The following LRRK1 variants were observed in gnomAD, a reference collection of about 807,000 sequenced individuals.
LRRK1 encodes leucine-rich repeat serine/threonine-protein kinase 1.
In LRRK1, 113 loss-of-function variants were observed where a neutral mutation model predicts 209.1. The observed-to-expected ratio is 0.54, with a 90% CI of 0.46 to 0.63. The LOEUF (loss-of-function observed/expected upper bound fraction) is 0.63, where lower values mean the gene tolerates loss of function less well. Ranked by LOEUF, LRRK1 falls within the 30% of genes least tolerant of loss-of-function variation. LRRK1 has a pLI of 0.00. For synonymous variants in LRRK1, 1,144 were observed against 1,099.7 expected, an observed-to-expected ratio of 1.04 and a Z score of -0.80; for missense variants, 2,284 against 2,632.2, an observed-to-expected ratio of 0.87 and a Z score of 2.89.
chr15:100,949,655 T>C (rs1456926996), intron 2 of LRRK1, among the ~76,000 whole-genome samples: 1 of 152,106 alleles, frequency 6.6e-6, no homozygotes, highest in African/African-American at 2.4e-5. Context: ...TAGTAACACA[T>C]AAAAAGGATT....
chr15:101,026,424 C>G (rs918134049), intron 17 of LRRK1, among the ~76,000 whole-genome samples: 2 of 152,234 alleles, frequency 1.3e-5, no homozygotes, highest in Non-Finnish European at 2.9e-5. Flanking sequence ...GGAGACTGAA[C>G]GTGGGCACCA....
At chr15:100,952,619 A>AAAG (rs1317093287) in intron 2 of LRRK1, among the ~76,000 whole-genome samples, 249 of 152,322 alleles carry the variant, frequency 1.6e-3, no homozygotes, top group African/African-American at 5.6e-3. Flanking sequence ...CCCTTCTCAC[A>AAAG]GGACCTGACT....
chr15:101,004,368 G>A lies in LRRK1; in HGVS notation c.763-4469G>A, dbSNP rs115872901. On this transcript the variant is annotated intron_variant, in intron 6 of 33. Transcript: ENST00000388948. ...GCTAGGGAGAGCTGAAAGGTCTTGC[G>A]CAGACTTTGATATTTCAGGATGATT... Among the ~76,000 whole-genome samples the A allele has an allele frequency of 7.2e-3, 1,095 of 152,218 alleles. 15 individuals carry two copies. The highest frequency in any genetic ancestry group is 0.025 in the African/African-American group (1,020 of 41,514).
chr15:101,016,745 C>T (rs966977640), intron 12 of LRRK1, among the ~76,000 whole-genome samples: 4 of 152,172 alleles, frequency 2.6e-5, no homozygotes, highest in Non-Finnish European at 4.4e-5. Context: ...CAGCCCTGGA[C>T]CAGCAGCTAC....
chr15:101,032,246 G>T (rs1212541554), intron 20 of LRRK1, among the ~76,000 whole-genome samples: 4 of 151,798 alleles, frequency 2.6e-5, no homozygotes, highest in African/African-American at 7.3e-5. Flanking sequence ...TTTCCTTTTT[G>T]GTACTGATAT....
intron 2 of LRRK1, among the ~76,000 whole-genome samples, chr15:100,940,381 C>T (rs1360648287): frequency 1.3e-5 from 2 of 152,092 alleles, no homozygotes; most frequent in Admixed American, 1.3e-4. Flanking sequence ...GTATATGTTT[C>T]TGAAACTCTC....
intron 22 of LRRK1, chr15:101,049,306 T>C: frequency 4.3e-6 from 1 of 231,294 alleles, no homozygotes; most frequent in Non-Finnish European, 8.3e-6. Flanking sequence ...GCATAGATGT[T>C]CTCACTTAAG....
At chr15:100,956,455 C>CTTTTTTTTTTCTTTTTTTT (rs2042762776) in intron 2 of LRRK1, among the ~76,000 whole-genome samples, 2 of 60,534 alleles carry the variant, frequency 3.3e-5, no homozygotes, top group Admixed American at 2.0e-4. Flanking sequence ...TTTTTTTTTT[C>CTTTTTTTTTTCTTTTTTTT]TTTTTTTTTT....
intron 2 of LRRK1, among the ~76,000 whole-genome samples, chr15:100,935,994 G>A (rs565957495): frequency 1.3e-5 from 2 of 152,282 alleles, no homozygotes; most frequent in South Asian, 4.1e-4. Flanking sequence ...CCTAGACCTG[G>A]TACAGCATCA....
chr15:101,021,141 G>C lies in LRRK1; in HGVS notation c.1698G>C (p.Ser566=), dbSNP rs182944219. Residue 566 remains serine (S), a synonymous_variant, in exon 13 of 34, where the codon TCG becomes TCC. Coordinates refer to ENST00000388948, the MANE Select transcript of LRRK1 (RefSeq NM_024652.6). ...ACCACCTCGACACAGTCCCTCCCTC[G>C]GTTTGCCTACTGAAGAGCTTATCAG... ...NDNHLDTVPP[S]VCLLKSLSEL... 3.7e-6 allele frequency: 6 copies of C among 1,613,994 alleles called. No individual in the cohort carries two copies. In the East Asian group the frequency reaches 1.1e-4, roughly 30 times the overall value.
At chr15:101,049,119 G>GT (rs2035249427) in intron 22 of LRRK1, among the ~76,000 whole-genome samples, 4 of 152,140 alleles carry the variant, frequency 2.6e-5, no homozygotes, top group Admixed American at 2.0e-4. Flanking sequence ...TTTATTCTTG[G>GT]TTTTTTGAGA....
intron 2 of LRRK1, among the ~76,000 whole-genome samples, chr15:100,970,640 G>T (rs1405817976): frequency 6.6e-6 from 1 of 152,152 alleles, no homozygotes; most frequent in Non-Finnish European, 1.5e-5. Flanking sequence ...TCTTTTTCAA[G>T]ATTGCTTTGG....
intron 2 of LRRK1, among the ~76,000 whole-genome samples, chr15:100,931,822 C>G (rs1473470667): frequency 6.6e-6 from 1 of 152,208 alleles, no homozygotes; most frequent in East Asian, 1.9e-4. Context: ...TGAGCATTCT[C>G]CTGGTGCCTG....
intron 3 of LRRK1, among the ~76,000 whole-genome samples, chr15:100,976,016 A>C (rs1391638709): frequency 6.6e-6 from 1 of 152,186 alleles, no homozygotes; most frequent in Admixed American, 6.5e-5. Context: ...CAGTTTATAC[A>C]AGCATTAAAA....
At position 101,075,435 on chromosome 15, in the gene LRRK1, G is replaced by A. The variant is rs1386011112; in HGVS notation, c.*6587G>A. On this transcript the variant is annotated 3_prime_UTR_variant, in exon 34 of 34. Transcript: ENST00000388948. ...TGTATCCCCCGACCTTAACCCATAA[G>A]TATAAGATACCTCTACTCCCTCCTT... 4.2e-5 allele frequency: 5 copies of A among 119,508 alleles called. No individual in the cohort carries two copies. The highest frequency in any genetic ancestry group is 2.0e-4 in the African/African-American group (5 of 25,046). 7.4% of individuals were successfully genotyped at this position (119,508 alleles called of 1,614,324 possible).
At chr15:100,978,640 C>T (rs1396288645) in intron 3 of LRRK1, among the ~76,000 whole-genome samples, 1 of 152,134 alleles carries the variant, frequency 6.6e-6, no homozygotes, top group Non-Finnish European at 1.5e-5. Context: ...TAAACACATA[C>T]ATTGGACAAC....
In LRRK1 at chr15:101,075,027, C is replaced by T. The variant is rs1177560538; in HGVS notation, c.*6179C>T. The T allele has an allele frequency of 1.8e-5, 2 of 108,160 alleles. No homozygotes were observed. Among genetic ancestry groups the T allele is most frequent in the South Asian group, 3.1e-4 (1 of 3,184 alleles). The allele number at this position is 108,160 out of a possible 1,614,324, so 6.7% of individuals were successfully genotyped here. A position where few individuals can be genotyped will look rare whatever the true frequency, so the allele number is the denominator to read the frequency against. On this transcript the variant is annotated 3_prime_UTR_variant, in exon 34 of 34. Coordinates refer to ENST00000388948, the MANE Select transcript of LRRK1 (RefSeq NM_024652.6). ...CGGCTGAAGACTGACACTGCCCGAT[C>T]ACCTCGGAAGCCCCCTAGACCATCA...
chr15:100,962,823 A>ACATATATATATATATATATTTTTTT lies in LRRK1; in HGVS notation c.98-10981_98-10980insCATATATATATATATATATTTTTTT, dbSNP rs1438896981. 8.7e-4 allele frequency among the ~76,000 whole-genome samples: 10 copies of ACATATATATATATATATATTTTTTT among 11,548 alleles called. 1 individual carries two copies. In the East Asian group the frequency reaches 0.014, roughly 16 times the overall value. 7.6% of individuals were successfully genotyped at this position (11,548 alleles called of 152,430 possible). A position where few individuals can be genotyped will look rare whatever the true frequency, so the allele number is the denominator to read the frequency against. On this transcript the variant is annotated intron_variant, in intron 2 of 33. Transcript: ENST00000388948. Reference sequence around the variant, plus strand: ...TATATATATATATATATATATATATATTTTTTTTTTTTTTTTTGAGATGGA... The same window carrying ACATATATATATATATATATTTTTTT: ...TATATATATATATATATATATATATACATATATATATATATATATTTTTTTTTTTTTTTTTTTTTTTTGAGATGGA...
intron 2 of LRRK1, among the ~76,000 whole-genome samples, chr15:100,972,359 AGAGAGTGTGTGT>A (rs1220699156): frequency 2.5e-4 from 22 of 86,986 alleles, no homozygotes; most frequent in African/African-American, 1.0e-3. Flanking sequence ...AGAGAGAGAG[AGAGAGTGTGTGT>A]GTGTGTGTGT....
Sources: gnomAD v4.1 joint callset for allele counts (sites outside exome capture counted in the v4.1 genomes callset) on GRCh38, gnomAD v4.1.1 for gene constraint, MANE v1.5 for transcripts, NCBI Gene and HGNC (gene_info 2026-07-23, HGNC 2026-07-21) for gene names.